Variants in MBNL1 observed in about 807,000 individuals in gnomAD.
MBNL1 encodes the protein muscleblind like splicing regulator 1.
In MBNL1, 8 loss-of-function variants were observed where a neutral mutation model predicts 42.2. The observed-to-expected ratio is 0.19, with a 90% CI of 0.11 to 0.34. MBNL1 has a LOEUF of 0.34. MBNL1 is among the 10% of genes least tolerant of loss of function. MBNL1 has a pLI of 1.00. For synonymous variants in MBNL1, 169 were observed against 173.9 expected, an observed-to-expected ratio of 0.97 and a Z score of 0.22; for missense variants, 309 against 495.3, an observed-to-expected ratio of 0.62 and a Z score of 3.57.
Position 152,377,569 on chromosome 3 carries a change from A to T in MBNL1, c.175-37372A>T, listed in dbSNP as rs114725076. On this transcript the variant is annotated intron_variant, in intron 2 of 9. Transcript: ENST00000324210. ...GAACTGTGTATAGTACACATTATATAGCAAGAAATGTTTGTTGTCATTATG... is the reference window on the plus strand; with the variant it reads ...GAACTGTGTATAGTACACATTATATTGCAAGAAATGTTTGTTGTCATTATG... Among the ~76,000 whole-genome samples the T allele has an allele frequency of 8.0e-3, 1,212 of 152,358 alleles. 18 individuals carry two copies. Among genetic ancestry groups the T allele is most frequent in the African/African-American group, 0.028 (1,164 of 41,578 alleles).
At chr3:152,380,071 C>G (rs1015880505) in intron 2 of MBNL1, among the ~76,000 whole-genome samples, 1 of 152,012 alleles carries the variant, frequency 6.6e-6, no homozygotes, top group African/African-American at 2.4e-5. Context: ...TACCATTGCT[C>G]AGTAGTACAT....
chr3:152,314,722 C>G (rs2069519085), intron 2 of MBNL1, among the ~76,000 whole-genome samples: 1 of 152,168 alleles, frequency 6.6e-6, no homozygotes, highest in Non-Finnish European at 1.5e-5. Context: ...GAGTTTGAGA[C>G]TTTTAACATC....
upstream of MBNL1, chr3:152,263,549 C>T (rs1233321477): frequency 6.6e-6 from 1 of 152,160 alleles, no homozygotes; most frequent in Non-Finnish European, 1.5e-5. Flanking sequence ...AATCACATTC[C>T]GCTGCTGGGT....
At chr3:152,330,038 T>G (rs1189159937) in intron 2 of MBNL1, among the ~76,000 whole-genome samples, 2 of 152,062 alleles carry the variant, frequency 1.3e-5, no homozygotes, top group Admixed American at 6.6e-5. Flanking sequence ...TTCATGTGTG[T>G]GTATGTGTGT....
rs148620961 is a variant in MBNL1, at chr3:152,443,420, A to G, written c.550-1862A>G. 2.7e-3 allele frequency among the ~76,000 whole-genome samples: 408 copies of G among 151,718 alleles called. 4 individuals are homozygous for G. The highest frequency in any genetic ancestry group is 0.01 in the Middle Eastern group (3 of 288). On this transcript the variant is annotated intron_variant, in intron 4 of 9. Coordinates refer to ENST00000324210, the MANE Select transcript of MBNL1 (RefSeq NM_021038.5). ...AAGTTTCCTGTTTGGTGATGCCTACATTGACATAGACTTGCTTAAACAGAA... is the reference window on the plus strand; with the variant it reads ...AAGTTTCCTGTTTGGTGATGCCTACGTTGACATAGACTTGCTTAAACAGAA...
chr3:152,337,971 G>C (rs2091562020), intron 2 of MBNL1: 3 of 469,126 alleles, frequency 6.4e-6, no homozygotes, highest in Admixed American at 1.3e-4. Flanking sequence ...CTGCTGCCTT[G>C]CGGATCAGCA....
intron 1 of MBNL1, among the ~76,000 whole-genome samples, chr3:152,276,203 T>C (rs747018317): frequency 6.1e-4 from 93 of 152,290 alleles, no homozygotes; most frequent in Non-Finnish European, 5.9e-4. Context: ...CTCCACTGAT[T>C]ATATATAAAG....
intron 3 of MBNL1, among the ~76,000 whole-genome samples, chr3:152,417,895 G>A (rs570152283): frequency 2.0e-5 from 3 of 152,274 alleles, no homozygotes; most frequent in Non-Finnish European, 4.4e-5. Flanking sequence ...ATGCCACTAA[G>A]CTTGGGTTAT....
intron 1 of MBNL1, among the ~76,000 whole-genome samples, chr3:152,296,680 G>A (rs941257000): frequency 4.6e-5 from 7 of 151,652 alleles, no homozygotes; most frequent in African/African-American, 1.4e-4. Flanking sequence ...GATTGTGTGT[G>A]TGTGTGTGTG....
chr3:152,318,199 T>C (rs896982272), intron 2 of MBNL1, among the ~76,000 whole-genome samples: 4 of 152,174 alleles, frequency 2.6e-5, no homozygotes, highest in Admixed American at 6.5e-5. Context: ...AGCTGAAAAA[T>C]ATTTTTCTTA....
At chr3:152,276,068 G>A (rs185866148) in intron 1 of MBNL1, among the ~76,000 whole-genome samples, 7 of 152,166 alleles carry the variant, frequency 4.6e-5, no homozygotes, top group Admixed American at 2.0e-4. Flanking sequence ...TAAAGTAGCC[G>A]TAAAGTAATA....
Position 152,414,103 on chromosome 3 carries a change from G to A in MBNL1, c.175-838G>A, listed in dbSNP as rs190115610. On this transcript the variant is annotated intron_variant, in intron 2 of 9. Coordinates refer to ENST00000324210, the MANE Select transcript of MBNL1 (RefSeq NM_021038.5). ...CATTATTTCAGTCCAGGCTATGTTC[G>A]TTGGTAGGATGGTCTGGATGGTATA... is the stretch of plus-strand genomic sequence containing the variant. Among the ~76,000 whole-genome samples the A allele has an allele frequency of 2.3e-4, 35 of 152,280 alleles. 1 individual carries two copies. The highest frequency in any genetic ancestry group is 7.0e-4 in the African/African-American group (29 of 41,554).
intron 2 of MBNL1, among the ~76,000 whole-genome samples, chr3:152,333,287 T>C (rs2086652214): frequency 6.6e-6 from 1 of 152,200 alleles, no homozygotes; most frequent in Non-Finnish European, 1.5e-5. Context: ...TTGAAAAATC[T>C]GAGAATCACA....
intron 3 of MBNL1, among the ~76,000 whole-genome samples, chr3:152,430,930 A>T (rs2098998585): frequency 6.6e-6 from 1 of 152,244 alleles, no homozygotes; most frequent in African/African-American, 2.4e-5. Flanking sequence ...ATTCAAACCA[A>T]CATGTTCAGA....
In MBNL1 at chr3:152,299,733, G is replaced by A. The variant is rs543397448; in HGVS notation, c.-461G>A. 3.5e-5 allele frequency: 14 copies of A among 399,418 alleles called. No individual in the cohort carries two copies. The highest frequency in any genetic ancestry group is 6.2e-5 in the Non-Finnish European group (14 of 226,824). The allele number at this position is 399,418 out of a possible 1,614,324, so 24.7% of individuals were successfully genotyped here. A position where few individuals can be genotyped will look rare whatever the true frequency, so the allele number is the denominator to read the frequency against. On this transcript the variant is annotated 5_prime_UTR_variant, in exon 2 of 10. Coordinates refer to ENST00000324210, the MANE Select transcript of MBNL1 (RefSeq NM_021038.5). ...TGTCTATGCCAAACTAATCAATACCGATTGCACCACCAAACTCCATTGCAA... is the reference window on the plus strand; with the variant it reads ...TGTCTATGCCAAACTAATCAATACCAATTGCACCACCAAACTCCATTGCAA...
At chr3:152,421,637 TA>T (rs2098806798) in intron 3 of MBNL1, among the ~76,000 whole-genome samples, 1 of 152,070 alleles carries the variant, frequency 6.6e-6, no homozygotes, top group South Asian at 2.1e-4. Context: ...CCAAGACATA[TA>T]ATCGTCAGAT....
At chr3:152,258,507 T>C (rs966128997) in intron 2 of MBNL1, among the ~76,000 whole-genome samples, 4 of 152,116 alleles carry the variant, frequency 2.6e-5, no homozygotes, top group Non-Finnish European at 5.9e-5. Flanking sequence ...TTGCACCAAG[T>C]TGGTTGTCAG....
chr3:152,394,112 T>G (rs2097834668), intron 2 of MBNL1, among the ~76,000 whole-genome samples: 1 of 152,214 alleles, frequency 6.6e-6, no homozygotes, highest in African/African-American at 2.4e-5. Context: ...CTTCACAATT[T>G]CATCCAAAGT....
At chr3:152,447,826 A>G in intron 6 of MBNL1, 53 bp downstream of exon 6, 1 of 1,555,316 alleles carries the variant, frequency 6.4e-7, no homozygotes, top group Admixed American at 1.7e-5. Flanking sequence ...AGAGAGTCCT[A>G]CTGTTAGAGC....
Sources: allele counts gnomAD v4.1 joint callset (sites outside exome capture counted in the v4.1 genomes callset), GRCh38; gene constraint gnomAD v4.1.1; transcripts MANE v1.5; gene names NCBI Gene and HGNC (gene_info 2026-07-23, HGNC 2026-07-21).